The following RAB11B variants were observed in gnomAD, a reference collection of about 807,000 sequenced individuals.
RAB11B encodes ras-related protein Rab-11B.
A neutral mutation model predicts 23.7 loss-of-function variants in RAB11B; 7 were observed. The observed-to-expected ratio is 0.29, with a 90% confidence interval of 0.17 to 0.55. The LOEUF is 0.55. Ranked by LOEUF, RAB11B falls within the 20% of genes least tolerant of loss-of-function variation. The pLI is 0.93. For missense variants in RAB11B, 189 were observed against 320.0 expected (o/e 0.59, Z 3.12); for synonymous variants, 138 against 132.0 (o/e 1.05, Z -0.31).
intron 1 of RAB11B, among the ~76,000 whole-genome samples, chr19:8,398,587 C>T (rs1971413963): frequency 6.6e-6 from 1 of 152,158 alleles, no homozygotes; most frequent in Non-Finnish European, 1.5e-5. Context: ...GTCCTCAGGG[C>T]ACATTCCTGT....
At chr19:8,398,988 T>C (rs1971417412) in intron 1 of RAB11B, among the ~76,000 whole-genome samples, 1 of 151,490 alleles carries the variant, frequency 6.6e-6, no homozygotes, top group Non-Finnish European at 1.5e-5. Context: ...AGTCTCGCTC[T>C]GTCACCCAGG....
chr19:8,393,737 G>C (rs902178382), intron 1 of RAB11B, among the ~76,000 whole-genome samples: 1 of 152,166 alleles, frequency 6.6e-6, no homozygotes, highest in Non-Finnish European at 1.5e-5. Context: ...GGAGGGATGG[G>C]GGCACTGCTT....
intron 1 of RAB11B, among the ~76,000 whole-genome samples, chr19:8,392,887 A>G (rs1971369026): frequency 6.6e-6 from 1 of 150,922 alleles, no homozygotes; most frequent in Non-Finnish European, 1.5e-5. Context: ...GGGTTTCACC[A>G]TGTTGGCCAG....
At chr19:8,399,802 G>T in intron 1 of RAB11B, 61 bp from the exon 2 acceptor site, 1 of 1,569,592 alleles carries the variant, frequency 6.4e-7, no homozygotes, top group Non-Finnish European at 8.7e-7. Context: ...CCGGCGGGAA[G>T]GTTGTGGGGG....
Position 8,403,712 on chromosome 19 carries a change from C to A in RAB11B, c.*154C>A. 1 of 1,078,404 alleles carries A rather than the reference C, an allele frequency of 9.3e-7. No homozygotes were observed. The highest frequency in any genetic ancestry group is 1.3e-6 in the Non-Finnish European group (1 of 780,844). The allele number at this position is 1,078,404 out of a possible 1,614,324, so 66.8% of individuals were successfully genotyped here. On this transcript the variant is annotated 3_prime_UTR_variant, in exon 5 of 5. Transcript: ENST00000328024. ...GGCCGGGGCCCAGGAAGGACAGGAG[C>A]CAGTGCTACCCCGTCCTGCCCGGGG...
chr19:8,399,915 C>T lies in RAB11B; in HGVS notation c.93C>T (p.Phe31=), dbSNP rs141259254. The T allele has an allele frequency of 2.3e-5, 37 of 1,614,110 alleles. No individual in the cohort carries two copies. Among genetic ancestry groups the T allele is most frequent in the African/African-American group, 1.3e-5 (1 of 74,944 alleles). ...GCAAGAGCAACCTGCTGTCGCGCTTCACCCGCAACGAGTTCAACCTGGAGA... is the reference window on the plus strand; with the variant it reads ...GCAAGAGCAACCTGCTGTCGCGCTTTACCCGCAACGAGTTCAACCTGGAGA... ...GVGKSNLLSR[F]TRNEFNLESK... The change falls in exon 2 of 5, where the codon TTC becomes TTT. Residue 31 remains phenylalanine, a synonymous_variant. Coordinates refer to ENST00000328024, the MANE Select transcript of RAB11B (RefSeq NM_004218.4).
intron 2 of RAB11B, among the ~76,000 whole-genome samples, chr19:8,400,660 C>T (rs1315778927): frequency 1.3e-5 from 2 of 151,778 alleles, no homozygotes; most frequent in East Asian, 1.9e-4. Flanking sequence ...GATCTCGGCT[C>T]ACTGCAACCT....
At position 8,403,013 on chromosome 19, in the gene RAB11B, C is replaced by T. The variant is rs540249692; in HGVS notation, c.512-400C>T. The T allele has an allele frequency of 2.5e-5, 8 of 325,648 alleles. No homozygotes were observed. The East Asian group carries it at 3.9e-4, about 16-fold the overall frequency. 20.2% of individuals were successfully genotyped at this position (325,648 alleles called of 1,614,324 possible). On this transcript the variant is annotated intron_variant, in intron 4 of 4. Coordinates refer to ENST00000328024, the MANE Select transcript of RAB11B (RefSeq NM_004218.4). The stretch of plus-strand genomic sequence containing the variant: ...CCTAACCTTTGCTTTTTAAACCTGC[C>T]GGTCCACCTGGACACTTCACAGGGT...
At chr19:8,392,495 C>T (rs1189639627) in intron 1 of RAB11B, among the ~76,000 whole-genome samples, 1 of 151,806 alleles carries the variant, frequency 6.6e-6, no homozygotes, top group Non-Finnish European at 1.5e-5. Flanking sequence ...GCTGCCCTCC[C>T]CACACTGGCC....
Position 8,398,052 on chromosome 19 carries a change from T to C in RAB11B, c.41-1811T>C, listed in dbSNP as rs1037564598. On this transcript the variant is annotated intron_variant, in intron 1 of 4. Coordinates refer to ENST00000328024, the MANE Select transcript of RAB11B (RefSeq NM_004218.4). ...ACACACTGATCTTCCCCACATGGTA[T>C]GTTCTGGGTCTGGGGACAGCTCACC... 2.0e-5 allele frequency among the ~76,000 whole-genome samples: 3 copies of C among 152,234 alleles called. No homozygotes were observed. In the South Asian group the frequency reaches 6.2e-4, roughly 32 times the overall value.
chr19:8,403,649 GGCT>G lies in RAB11B; in HGVS notation c.*92_*94del. The G allele has an allele frequency of 6.6e-7, 1 of 1,506,758 alleles. No individual in the cohort carries two copies. Among genetic ancestry groups the G allele is most frequent in the South Asian group, 1.3e-5 (1 of 78,884 alleles). The allele number at this position is 1,506,758 out of a possible 1,614,324, so 93.3% of individuals were successfully genotyped here. On this transcript the variant is annotated 3_prime_UTR_variant, in exon 5 of 5. Coordinates refer to ENST00000328024, the MANE Select transcript of RAB11B (RefSeq NM_004218.4). ...CCCTCCCTGCTGTCCCTCTGTGGCC[GGCT>G]CGTTCCAGCCCTCCCAGTGAGCTCT... is the stretch of plus-strand genomic sequence containing the variant.
intron 1 of RAB11B, among the ~76,000 whole-genome samples, chr19:8,391,594 G>C (rs1469020097): frequency 6.6e-6 from 1 of 152,188 alleles, no homozygotes; most frequent in Non-Finnish European, 1.5e-5. Context: ...TGGTTGCTGG[G>C]CTCCCTGGCT....
intron 1 of RAB11B, among the ~76,000 whole-genome samples, chr19:8,393,995 A>G (rs1971378206): frequency 3.3e-5 from 5 of 152,338 alleles, no homozygotes. Flanking sequence ...TTCTGTGGAA[A>G]TGCTCGGAGC....
Position 8,402,277 on chromosome 19 carries a change from C to T in RAB11B, c.428C>T (p.Ala143Val), listed in dbSNP as rs1054368041. The T allele has an allele frequency of 1.3e-6, 2 of 1,553,640 alleles. No homozygotes were observed. The highest frequency in any genetic ancestry group is 3.9e-5 in the Admixed American group (2 of 51,236). Residue 143 changes from alanine (A) to valine (V), a missense_variant and splice_region_variant, in exon 3 of 5, where the codon GCA becomes GTA. Physicochemically the swap from Ala to Val is moderately conservative, Grantham distance 64. Around this residue, in one of 5 missense-constraint regions of RAB11B, gnomAD observed 122 missense variants for 170.8 expected, o/e 0.71. Coordinates refer to ENST00000328024, the MANE Select transcript of RAB11B (RefSeq NM_004218.4). ...CCCACTGACGAGGCCCGCGCCTTCG[C>T]AGGTGAGCAGACGGAGACGCAGGCA... Reference protein sequence around the residue: ...AVPTDEARAFAEKNNLSFIET... With the variant: ...AVPTDEARAFVEKNNLSFIET...
Position 8,403,583 on chromosome 19 carries a change from G to T in RAB11B, c.*25G>T, listed in dbSNP as rs569556993. On this transcript the variant is annotated 3_prime_UTR_variant, in exon 5 of 5. Coordinates refer to ENST00000328024, the MANE Select transcript of RAB11B (RefSeq NM_004218.4). The stretch of plus-strand genomic sequence containing the variant: ...ACCCCTGCGCCTCCACCCAGCGTGC[G>T]TGCACGTCCTCCGCCCGCCCCCGCC... The T allele has an allele frequency of 1.9e-6, 3 of 1,597,048 alleles. No homozygotes were observed. Among genetic ancestry groups the T allele is most frequent in the South Asian group, 1.1e-5 (1 of 90,048 alleles).
In RAB11B at chr19:8,399,682, C is replaced by A. The variant is rs528914749; in HGVS notation, c.41-181C>A. 8.5e-5 allele frequency among the ~76,000 whole-genome samples: 13 copies of A among 152,316 alleles called. No individual in the cohort carries two copies. The East Asian group carries it at 2.3e-3, about 27-fold the overall frequency. ...AGTGGCTGTTTCTGGAAGGCAGGAG[C>A]CTGCCTTCACTTCTGCACCACTTAG... On this transcript the variant is annotated intron_variant, in intron 1 of 4. Coordinates refer to ENST00000328024, the MANE Select transcript of RAB11B (RefSeq NM_004218.4).
At chr19:8,398,604 C>T (rs902671710) in intron 1 of RAB11B, among the ~76,000 whole-genome samples, 6 of 152,204 alleles carry the variant, frequency 3.9e-5, no homozygotes, top group Admixed American at 1.3e-4. Context: ...CTGTTTCCCA[C>T]TCAGCCATCT....
intron 1 of RAB11B, chr19:8,390,675 C>G (rs1056554703): frequency 4.5e-6 from 2 of 443,222 alleles, no homozygotes; most frequent in Non-Finnish European, 7.5e-6. Context: ...CCTGGGGGAC[C>G]TAGGACGCGC....
chr19:8,398,425 G>T (rs1971412761), intron 1 of RAB11B, among the ~76,000 whole-genome samples: 1 of 152,228 alleles, frequency 6.6e-6, no homozygotes, highest in Non-Finnish European at 1.5e-5. Context: ...TTGGAGCCTT[G>T]TGAGGAGCTG....
Sources: gnomAD v4.1 joint callset for allele counts (sites outside exome capture counted in the v4.1 genomes callset) on GRCh38, gnomAD v4.1.1 for gene constraint, gnomAD v4.1.1 regional missense constraint, MANE v1.5 for transcripts, NCBI Gene and HGNC (gene_info 2026-07-23, HGNC 2026-07-21) for gene names.